RYR2: variants seen among roughly 807,000 people sequenced by gnomAD.
RYR2 encodes the protein cardiac muscle ryanodine receptor-calcium release channel.
In RYR2, 227 loss-of-function variants were observed where a neutral mutation model predicts 601.1. The observed-to-expected ratio is 0.38, with a 90% CI of 0.34 to 0.42. The LOEUF is 0.42. RYR2 is among the 10% of genes least tolerant of loss of function. The pLI, the probability that RYR2 is intolerant of heterozygous loss-of-function variation, is 1.00. For synonymous variants in RYR2, 2,223 were observed against 2,175.1 expected (o/e 1.02, Z -0.61); for missense variants, 4,646 against 6,156.5 (o/e 0.75, Z 8.21).
intron 75 of RYR2, 73 bp from the exon 76 acceptor site, chr1:237,727,014 T>A: frequency 1.2e-6 from 1 of 803,140 alleles, no homozygotes; most frequent in Non-Finnish European, 2.2e-6. Context: ...GAAGATAGTT[T>A]GGGGTGTAAA....
chr1:237,632,757 A>G (rs1680488715), intron 42 of RYR2, among the ~76,000 whole-genome samples: 2 of 125,376 alleles, frequency 1.6e-5, no homozygotes, highest in African/African-American at 3.3e-5. Context: ...GTAGAATAGT[A>G]TAATAAAAAA....
At chr1:237,116,094 T>G (rs909178023) in intron 1 of RYR2, among the ~76,000 whole-genome samples, 1 of 152,220 alleles carries the variant, frequency 6.6e-6, no homozygotes, top group Non-Finnish European at 1.5e-5. Flanking sequence ...TATTTAAGAA[T>G]TGTAATTCTT....
intron 73 of RYR2, among the ~76,000 whole-genome samples, chr1:237,721,761 C>T (rs1558287654): frequency 2.0e-5 from 3 of 152,164 alleles, no homozygotes; most frequent in Non-Finnish European, 4.4e-5. Flanking sequence ...CTCAAGTAAT[C>T]CACCCACCTT....
Position 237,713,468 on chromosome 1 carries a change from C to T in RYR2, c.10323+1631C>T, listed in dbSNP as rs149652734. Among the ~76,000 whole-genome samples, 1,047 of 152,216 alleles carry T rather than the reference C, an allele frequency of 6.9e-3. 12 individuals carry two copies. Among genetic ancestry groups the T allele is most frequent in the African/African-American group, 0.024 (994 of 41,512 alleles). On this transcript the variant is annotated intron_variant, in intron 71 of 104. Coordinates refer to ENST00000366574, the MANE Select transcript of RYR2 (RefSeq NM_001035.3). ...CTGGAGTGCAGTGGTGCGATCTCGG[C>T]TCACTGCAACCTCTGCCTCCTGGGT... is the stretch of plus-strand genomic sequence containing the variant.
chr1:237,566,923 C>G (rs1672145916), intron 28 of RYR2, 148 bp downstream of exon 28: 5 of 775,944 alleles, frequency 6.4e-6, no homozygotes, highest in African/African-American at 1.7e-5. Context: ...TCCTCGTAGT[C>G]TCAAAACCCT....
At position 237,638,377 on chromosome 1, in the gene RYR2, T is replaced by C. The variant is rs755366612; in HGVS notation, c.6813T>C (p.Gly2271=). Residue 2271 remains glycine (G), a synonymous_variant, in exon 45 of 105, where the codon GGT becomes GGC. Transcript: ENST00000366574. ...TGCAGGTAGTTCGTTATTTGGCTGG[T>C]TGTGGACTGCAAAGTTGCCAGATGC... ...DLEKVVRYLA[G]CGLQSCQMLV... The C allele has an allele frequency of 6.2e-7, 1 of 1,613,964 alleles. No individual in the cohort carries two copies. The highest frequency in any genetic ancestry group is 1.1e-5 in the South Asian group (1 of 91,090).
In RYR2 at chr1:237,723,320, A is replaced by T. The variant is rs1481818841; in HGVS notation, c.10689+58A>T. ...CTTAGCCACATACAAATATTTTAAA[A>T]AGAGAATGTGTGTTAATTTGTTAAC... On this transcript the variant is annotated intron_variant, in intron 74 of 104. Coordinates refer to ENST00000366574, the MANE Select transcript of RYR2 (RefSeq NM_001035.3). 6 of 1,389,820 alleles carry T rather than the reference A, an allele frequency of 4.3e-6. No individual in the cohort carries two copies. The Admixed American group carries it at 1.1e-4, about 25-fold the overall frequency. 86.1% of individuals were successfully genotyped at this position (1,389,820 alleles called of 1,614,324 possible). A position where few individuals can be genotyped will look rare whatever the true frequency, so the allele number is the denominator to read the frequency against.
chr1:237,446,166 A>G (rs1276177627), intron 14 of RYR2, among the ~76,000 whole-genome samples: 2 of 152,030 alleles, frequency 1.3e-5, no homozygotes, highest in Non-Finnish European at 2.9e-5. Context: ...CGGAGTTTTG[A>G]TATGTATTTT....
At chr1:237,374,853 T>C in intron 7 of RYR2, 58 bp downstream of exon 7, 1 of 1,343,284 alleles carries the variant, frequency 7.4e-7, no homozygotes, top group Non-Finnish European at 1.1e-6. Context: ...GGGGTTGGAT[T>C]GGAAGAAGCC....
chr1:237,176,257 A>G (rs1678039789), intron 1 of RYR2, among the ~76,000 whole-genome samples: 1 of 123,060 alleles, frequency 8.1e-6, no homozygotes, highest in Non-Finnish European at 1.7e-5. Context: ...AAATATATAT[A>G]TATATATAAA....
intron 6 of RYR2, among the ~76,000 whole-genome samples, chr1:237,370,721 C>T (rs376152578): frequency 0.018 from 2,574 of 145,178 alleles, 35 homozygotes; most frequent in Non-Finnish European, 0.026. Flanking sequence ...AGTGCAGTGG[C>T]GCGATCTCGG....
At chr1:237,821,713 A>G (rs1662524822) in intron 101 of RYR2, among the ~76,000 whole-genome samples, 1 of 152,034 alleles carries the variant, frequency 6.6e-6, no homozygotes, top group Admixed American at 6.5e-5. Flanking sequence ...AAGGTGGGTA[A>G]TAACAAACTC....
At chr1:237,557,789 T>C (rs1452139017) in intron 27 of RYR2, among the ~76,000 whole-genome samples, 2 of 152,008 alleles carry the variant, frequency 1.3e-5, no homozygotes, top group African/African-American at 4.8e-5. Context: ...AGTTTCTGGA[T>C]TGATAGATGT....
At chr1:237,448,302 G>T (rs1657641723) in intron 14 of RYR2, among the ~76,000 whole-genome samples, 1 of 152,086 alleles carries the variant, frequency 6.6e-6, no homozygotes, top group Non-Finnish European at 1.5e-5. Context: ...AAATATTCGG[G>T]GATTTCCTGA....
At chr1:237,068,032 A>ATT (rs36053229) in intron 1 of RYR2, among the ~76,000 whole-genome samples, 177 of 122,854 alleles carry the variant, frequency 1.4e-3, no homozygotes, top group Non-Finnish European at 1.8e-3. Context: ...CAGAACTTTG[A>ATT]TTTTTTTTTT....
At chr1:237,788,169 A>G (rs1265762802) in intron 92 of RYR2, 34 bp downstream of exon 92, 3 of 1,538,470 alleles carry the variant, frequency 1.9e-6, no homozygotes, top group Non-Finnish European at 2.7e-6. Context: ...TGTTACTGAT[A>G]TAGTGCAATA....
rs752663219 is a variant in RYR2, at chr1:237,506,752, G to T, written c.2656G>T (p.Ala886Ser). 1.2e-6 allele frequency: 2 copies of T among 1,613,594 alleles called. No individual in the cohort carries two copies. Among genetic ancestry groups the T allele is most frequent in the Non-Finnish European group, 1.7e-6 (2 of 1,179,766 alleles). ...PHLERIREKL[A>S]ENIHELWVMN... ...TCTAGAAAGAATAAGAGAAAAACTG[G>T]CAGAGAATATCCATGAACTCTGGGT... Residue 886 changes from alanine to serine, a missense_variant, in exon 23 of 105, where the codon GCA becomes TCA. Coordinates refer to ENST00000366574, the MANE Select transcript of RYR2 (RefSeq NM_001035.3).
At chr1:237,047,154 T>C (rs1458340426) in intron 1 of RYR2, among the ~76,000 whole-genome samples, 1 of 152,206 alleles carries the variant, frequency 6.6e-6, no homozygotes, top group Non-Finnish European at 1.5e-5. Context: ...TGAAAATCTG[T>C]GAAGAATTTC....
At chr1:237,474,612 A>G (rs1661195712) in intron 17 of RYR2, among the ~76,000 whole-genome samples, 1 of 152,096 alleles carries the variant, frequency 6.6e-6, no homozygotes, top group African/African-American at 2.4e-5. Context: ...AACCTCACTT[A>G]AAACTGCGGG....
Sources: allele counts gnomAD v4.1 joint callset (sites outside exome capture counted in the v4.1 genomes callset), GRCh38; gene constraint gnomAD v4.1.1; transcripts MANE v1.5; gene names NCBI Gene and HGNC (gene_info 2026-07-23, HGNC 2026-07-21).